STYXL1: variants seen among roughly 807,000 people sequenced by gnomAD.
STYXL1 encodes the protein serine/threonine/tyrosine interacting like 1.
STYXL1 carries 32 observed loss-of-function variants against 36.4 expected under a neutral mutation model. The observed-to-expected ratio is 0.88, with a 90% CI of 0.66 to 1.18. STYXL1 has a LOEUF of 1.18. STYXL1 is among the 50% of genes most tolerant of loss of function. The pLI is 0.00. For missense variants in STYXL1, 354 were observed against 394.1 expected (o/e 0.90, Z 0.86); for synonymous variants, 133 against 144.1 (o/e 0.92, Z 0.55).
At chr7:76,018,933 C>T (rs1467317203) in intron 4 of STYXL1, among the ~76,000 whole-genome samples, 1 of 152,214 alleles carries the variant, frequency 6.6e-6, no homozygotes. Context: ...ATTTTACTTT[C>T]TGGTTCGCAG....
chr7:76,030,078 C>T (rs1344990273), intron 2 of STYXL1, among the ~76,000 whole-genome samples: 5 of 152,020 alleles, frequency 3.3e-5, no homozygotes, highest in Non-Finnish European at 2.9e-5. Context: ...TCGGCTCACT[C>T]CAACCTCCAC....
At chr7:76,033,895 T>TGCCTG (rs1365483059) in intron 1 of STYXL1, among the ~76,000 whole-genome samples, 1 of 152,220 alleles carries the variant, frequency 6.6e-6, no homozygotes, top group African/African-American at 2.4e-5. Context: ...CACTATCAGC[T>TGCCTG]GCCTGGCCCT....
intron 3 of STYXL1, among the ~76,000 whole-genome samples, chr7:76,023,593 A>G (rs2098182): frequency 0.99 from 150,998 of 152,048 alleles, 74,979 homozygotes; most frequent in Middle Eastern, 1. Flanking sequence ...CGGGTGTGGG[A>G]GGGTGCACAT....
chr7:76,033,509 A>G (rs993455830), intron 1 of STYXL1, among the ~76,000 whole-genome samples: 1 of 152,058 alleles, frequency 6.6e-6, no homozygotes, highest in Admixed American at 6.6e-5. Flanking sequence ...CCAGTGGGGG[A>G]TGGCGAAGGG....
chr7:76,024,776 C>A (rs1446060215), intron 3 of STYXL1, among the ~76,000 whole-genome samples: 1 of 151,770 alleles, frequency 6.6e-6, no homozygotes, highest in Non-Finnish European at 1.5e-5. Flanking sequence ...TGGTGAAACT[C>A]CATCTCTACT....
At position 76,047,957 on chromosome 7, in the gene STYXL1, T is replaced by C. The variant is rs1182146602; in HGVS notation, c.-300A>G. The C allele has an allele frequency of 6.9e-7, 1 of 1,454,698 alleles. No individual in the cohort carries two copies. The highest frequency in any genetic ancestry group is 9.1e-7 in the Non-Finnish European group (1 of 1,104,140). The allele number at this position is 1,454,698 out of a possible 1,614,324, so 90.1% of individuals were successfully genotyped here. ...GCTAGAACCCAGCCAAACACCGGGG[T>C]TGCCAGGATGGTCCCACAGCTTTCC... On this transcript the variant is annotated 5_prime_UTR_variant, in exon 1 of 9. Transcript: ENST00000359697.
intron 4 of STYXL1, among the ~76,000 whole-genome samples, chr7:76,020,421 C>A (rs1554575716): frequency 6.6e-6 from 1 of 152,132 alleles, no homozygotes; most frequent in Non-Finnish European, 1.5e-5. Flanking sequence ...AGCCCAAAAC[C>A]AGGGGCTAAT....
At chr7:76,002,220 T>C (rs1298513307) in intron 7 of STYXL1, among the ~76,000 whole-genome samples, 1 of 152,156 alleles carries the variant, frequency 6.6e-6, no homozygotes, top group African/African-American at 2.4e-5. Flanking sequence ...ACCTACTTCA[T>C]ACAGTTTGGT....
intron 4 of STYXL1, among the ~76,000 whole-genome samples, chr7:76,019,818 G>C (rs1456229908): frequency 2.0e-5 from 3 of 151,664 alleles, no homozygotes; most frequent in African/African-American, 7.3e-5. Context: ...TTCAGGCCAG[G>C]CATGGTGGCT....
At chr7:76,027,586 C>T (rs1275655193) in intron 3 of STYXL1, among the ~76,000 whole-genome samples, 1 of 151,798 alleles carries the variant, frequency 6.6e-6, no homozygotes, top group East Asian at 1.9e-4. Context: ...GCACCCCTGC[C>T]CGGGTGACAG....
At chr7:76,004,064 G>C (rs1554569268) in intron 6 of STYXL1, among the ~76,000 whole-genome samples, 1 of 152,120 alleles carries the variant, frequency 6.6e-6, no homozygotes, top group Non-Finnish European at 1.5e-5. Flanking sequence ...GGGAAACAGA[G>C]ATGGGAGGAT....
At chr7:76,006,310 T>C (rs1349749182) in intron 5 of STYXL1, among the ~76,000 whole-genome samples, 4 of 152,112 alleles carry the variant, frequency 2.6e-5, no homozygotes, top group Non-Finnish European at 5.9e-5. Context: ...ACTCCTGGCC[T>C]GTAGTGATCC....
chr7:76,010,672 A>C (rs550185867), intron 5 of STYXL1, among the ~76,000 whole-genome samples: 2 of 152,146 alleles, frequency 1.3e-5, no homozygotes, highest in African/African-American at 4.8e-5. Context: ...ACACGCAGCC[A>C]GGCACACAGA....
At chr7:76,032,620 T>G (rs1023770532) in intron 1 of STYXL1, among the ~76,000 whole-genome samples, 1 of 152,190 alleles carries the variant, frequency 6.6e-6, no homozygotes, top group Non-Finnish European at 1.5e-5. Flanking sequence ...GAGAATTTCT[T>G]GAACCTGGGA....
At chr7:76,011,764 A>G (rs1442925508) in intron 5 of STYXL1, among the ~76,000 whole-genome samples, 2 of 152,098 alleles carry the variant, frequency 1.3e-5, no homozygotes, top group South Asian at 2.1e-4. Context: ...TCTTCCTCGA[A>G]ATCTCCTCCT....
intron 1 of STYXL1, among the ~76,000 whole-genome samples, chr7:76,040,990 C>T (rs1254624552): frequency 6.6e-6 from 1 of 151,700 alleles, no homozygotes; most frequent in South Asian, 2.1e-4. Context: ...AGGATGATAA[C>T]CACCTTTCTA....
chr7:76,005,820 GGAGGAGGAAGAGA>G (rs1434093110), intron 5 of STYXL1, among the ~76,000 whole-genome samples: 1 of 142,056 alleles, frequency 7.0e-6, no homozygotes, highest in East Asian at 2.2e-4. Flanking sequence ...AGAAGGAGGA[GGAGGAGGAAGAGA>G]GAGGAGGAGG....
chr7:76,005,193 A>T (rs1288374325), intron 6 of STYXL1, 66 bp downstream of exon 6: 1 of 979,424 alleles, frequency 1.0e-6, no homozygotes, highest in Non-Finnish European at 1.3e-6. Context: ...AAAAATAAAT[A>T]AAATAAATTT....
rs782673381 is a variant in STYXL1 at position 75,996,393 on chromosome 7, C to T, written c.*75G>A. 1.4e-5 allele frequency: 23 copies of T among 1,612,500 alleles called. No homozygotes were observed. The highest frequency in any genetic ancestry group is 1.8e-5 in the Non-Finnish European group (21 of 1,179,376). ...CTCCTTCCAGACAAGCCTGGGTATA[C>T]ACACTCTGGCCCTCCACCCACAAAA... On this transcript the variant is annotated 3_prime_UTR_variant, in exon 9 of 9. Transcript: ENST00000359697.
Sources: allele counts gnomAD v4.1 joint callset (sites outside exome capture counted in the v4.1 genomes callset), GRCh38; gene constraint gnomAD v4.1.1; transcripts MANE v1.5; gene names NCBI Gene and HGNC (gene_info 2026-07-23, HGNC 2026-07-21).